CRIM1: variants seen among roughly 807,000 people sequenced by gnomAD.
The protein encoded by CRIM1 is cysteine-rich motor neuron 1 protein.
CRIM1 carries 32 observed loss-of-function variants against 116.4 expected under a neutral mutation model. That is an observed-to-expected ratio of 0.27 (90% CI 0.21 to 0.37). CRIM1 has a LOEUF of 0.37. Among genes scored for constraint, CRIM1 ranks in the 10% least tolerant of loss-of-function variants. The pLI is 1.00. For synonymous variants in CRIM1, 590 were observed against 509.2 expected, an observed-to-expected ratio of 1.16 and a Z score of -2.13; for missense variants, 1,331 against 1,354.8, an observed-to-expected ratio of 0.98 and a Z score of 0.28.
chr2:36,538,867 A>G (rs1666744786), intron 14 of CRIM1, among the ~76,000 whole-genome samples: 1 of 152,208 alleles, frequency 6.6e-6, no homozygotes, highest in Non-Finnish European at 1.5e-5. Flanking sequence ...ATATTCACCT[A>G]TGTTTCACAA....
intron 8 of CRIM1, among the ~76,000 whole-genome samples, chr2:36,501,209 A>G (rs1680958487): frequency 6.6e-6 from 1 of 152,186 alleles, no homozygotes; most frequent in African/African-American, 2.4e-5. Context: ...TGTAATTACC[A>G]TGGCTCAGAG....
intron 10 of CRIM1, 123 bp downstream of exon 10, chr2:36,512,517 T>A: frequency 9.3e-7 from 1 of 1,080,140 alleles, no homozygotes; most frequent in Non-Finnish European, 1.3e-6. Context: ...CAAATGTCAG[T>A]CTCTGTGGGA....
intron 7 of CRIM1, among the ~76,000 whole-genome samples, chr2:36,484,695 C>G (rs1189607024): frequency 2.4e-4 from 37 of 152,170 alleles, no homozygotes; most frequent in Admixed American, 2.4e-3. Context: ...TTCTTCAGGC[C>G]TCCTTAGGTG....
intron 8 of CRIM1, among the ~76,000 whole-genome samples, chr2:36,506,126 G>C (rs1681372108): frequency 6.8e-6 from 1 of 147,710 alleles, no homozygotes; most frequent in African/African-American, 2.5e-5. Flanking sequence ...CCATCCCATT[G>C]CAGGGTGCAC....
intron 1 of CRIM1, among the ~76,000 whole-genome samples, chr2:36,387,415 T>G (rs1403843970): frequency 6.6e-6 from 1 of 152,256 alleles, no homozygotes; most frequent in Non-Finnish European, 1.5e-5. Context: ...GTTACATTTT[T>G]TACTGGACAT....
intron 4 of CRIM1, among the ~76,000 whole-genome samples, chr2:36,464,255 TTAAG>T (rs1677816389): frequency 6.6e-6 from 1 of 152,194 alleles, no homozygotes; most frequent in Admixed American, 6.5e-5. Context: ...ACCAGTCTGG[TTAAG>T]TAAGAAATGA....
At chr2:36,436,962 C>G (rs1308656323) in intron 2 of CRIM1, among the ~76,000 whole-genome samples, 1 of 152,092 alleles carries the variant, frequency 6.6e-6, no homozygotes, top group Non-Finnish European at 1.5e-5. Context: ...CAGAATATAA[C>G]CAAAGCAATA....
At chr2:36,448,093 G>T (rs1676390371) in intron 4 of CRIM1, among the ~76,000 whole-genome samples, 1 of 152,224 alleles carries the variant, frequency 6.6e-6, no homozygotes, top group Non-Finnish European at 1.5e-5. Flanking sequence ...CTTGAAGAGT[G>T]CTGTGACCAC....
intron 11 of CRIM1, among the ~76,000 whole-genome samples, chr2:36,517,007 C>G (rs1665072808): frequency 1.3e-5 from 2 of 152,200 alleles, no homozygotes; most frequent in South Asian, 4.1e-4. Context: ...CCTACACATT[C>G]ACAGAAATGC....
chr2:36,546,446 A>G (rs530590122), intron 15 of CRIM1, among the ~76,000 whole-genome samples: 26 of 152,288 alleles, frequency 1.7e-4, no homozygotes, highest in African/African-American at 6.3e-4. Flanking sequence ...AAGTAAGACA[A>G]TATTGCTTAG....
intron 6 of CRIM1, among the ~76,000 whole-genome samples, chr2:36,477,715 T>A (rs1679092439): frequency 6.6e-6 from 1 of 152,358 alleles, no homozygotes; most frequent in Admixed American, 6.5e-5. Flanking sequence ...ATGTTCATGT[T>A]CCTTCAACAG....
chr2:36,470,105 G>T (rs572370465), intron 5 of CRIM1, among the ~76,000 whole-genome samples: 2 of 152,294 alleles, frequency 1.3e-5, no homozygotes, highest in South Asian at 4.1e-4. Flanking sequence ...CATGTCATCA[G>T]TATAATTAAT....
At chr2:36,424,241 G>A (rs1170099818) in intron 2 of CRIM1, among the ~76,000 whole-genome samples, 2 of 152,214 alleles carry the variant, frequency 1.3e-5, no homozygotes, top group Admixed American at 6.5e-5. Context: ...AATAGACTGA[G>A]AGAAGGAATC....
intron 16 of CRIM1, among the ~76,000 whole-genome samples, chr2:36,547,861 A>G (rs1667461378): frequency 6.6e-6 from 1 of 152,180 alleles, no homozygotes; most frequent in Non-Finnish European, 1.5e-5. Context: ...CTCTAATTCT[A>G]CCTTTTGCCT....
At position 36,477,170 on chromosome 2, in the gene CRIM1, A is replaced by G. The variant is rs1679051008; in HGVS notation, c.1174+99A>G. Reference sequence around the variant, plus strand: ...TTCAGTCTCATCCAAAAGTAAAGGAATATTGAAGTTCCTTTTTTAGCCTTT... The same window carrying G: ...TTCAGTCTCATCCAAAAGTAAAGGAGTATTGAAGTTCCTTTTTTAGCCTTT... On this transcript the variant is annotated intron_variant, in intron 6 of 16. Transcript: ENST00000280527. 7 of 980,618 alleles carry G rather than the reference A, an allele frequency of 7.1e-6. No individual in the cohort carries two copies. The African/African-American group carries it at 1.2e-4, about 17-fold the overall frequency. 60.7% of individuals were successfully genotyped at this position (980,618 alleles called of 1,614,324 possible).
chr2:36,460,762 A>T (rs1052058364), intron 4 of CRIM1, among the ~76,000 whole-genome samples: 2 of 152,168 alleles, frequency 1.3e-5, no homozygotes, highest in African/African-American at 4.8e-5. Context: ...ATGACTAGAC[A>T]TGATAGGTAC....
At chr2:36,425,121 A>C (rs1310336919) in intron 2 of CRIM1, among the ~76,000 whole-genome samples, 2 of 152,134 alleles carry the variant, frequency 1.3e-5, no homozygotes, top group Non-Finnish European at 2.9e-5. Context: ...TGTTCTTCCG[A>C]GCTCAGTAGT....
intron 4 of CRIM1, 69 bp downstream of exon 4, chr2:36,442,804 A>G: frequency 1.9e-6 from 3 of 1,586,236 alleles, no homozygotes; most frequent in Non-Finnish European, 2.6e-6. Context: ...CATTTTGAGC[A>G]TGCAGTTTGT....
chr2:36,365,181 G>A (rs541844064), intron 1 of CRIM1, among the ~76,000 whole-genome samples: 4 of 152,246 alleles, frequency 2.6e-5, no homozygotes, highest in East Asian at 1.9e-4. Context: ...AGTTCCCAGC[G>A]CCTTTGGCAT....
Sources: gnomAD v4.1 joint callset for allele counts (sites outside exome capture counted in the v4.1 genomes callset) on GRCh38, gnomAD v4.1.1 for gene constraint, MANE v1.5 for transcripts, NCBI Gene and HGNC (gene_info 2026-07-23, HGNC 2026-07-21) for gene names.